Variants in PTCH2 observed in about 807,000 individuals in gnomAD.
The protein encoded by PTCH2 is protein patched homolog 2.
In PTCH2, 96 loss-of-function variants were observed where a neutral mutation model predicts 117.9. The ratio of observed to expected loss-of-function variants is 0.81; its 90% confidence interval spans 0.69 to 0.96. PTCH2 has a LOEUF of 0.96. PTCH2 is among the 50% of genes least tolerant of loss of function. The pLI is 0.00. For synonymous variants in PTCH2, 615 were observed against 660.9 expected, an observed-to-expected ratio of 0.93 and a Z score of 1.06; for missense variants, 1,379 against 1,562.5, an observed-to-expected ratio of 0.88 and a Z score of 1.98.
At position 44,826,392 on chromosome 1, in the gene PTCH2, G is replaced by A; in HGVS notation, c.2977-5C>T. On this transcript the variant is annotated splice_polypyrimidine_tract_variant and splice_region_variant and intron_variant, in intron 18 of 21. Transcript: ENST00000372192. The surrounding 1 kb of genome is among the most constrained non-coding windows in gnomAD (Gnocchi z 5.1). ...CATCATCGCCAGGACCAGCACCTGA[G>A]GGAGACAGGGCTCACAGAGGGCTCC... 6.2e-7 allele frequency: 1 copy of A among 1,614,130 alleles called. No homozygotes were observed. Among genetic ancestry groups the A allele is most frequent in the Admixed American group, 1.7e-5 (1 of 60,026 alleles).
rs758146648 is a variant in PTCH2 at position 44,832,253 on chromosome 1, G to C, written c.354C>G (p.Thr118=). 3.1e-6 allele frequency: 5 copies of C among 1,614,038 alleles called. No homozygotes were observed. Among genetic ancestry groups the C allele is most frequent in the Non-Finnish European group, 4.2e-6 (5 of 1,180,044 alleles). The part of the protein sequence containing the change: ...AAYTSQMLIQ[T]ARQEGENILT... ...GGATGTTCTCTCCCTCCTGGCGTGC[G>C]GTCTGTATCAGCATCTGAGAGGTGT... The change falls in exon 3 of 22, where the codon ACC becomes ACG. Residue 118 remains threonine, a synonymous_variant. Transcript: ENST00000372192.
Position 44,822,099 on chromosome 1 carries a change from G to C in PTCH2, c.*316C>G. On this transcript the variant is annotated 3_prime_UTR_variant, in exon 22 of 22. Coordinates refer to ENST00000372192, the MANE Select transcript of PTCH2 (RefSeq NM_003738.5). ...TGCCCAGGAGTCACCAGACGGAAGG[G>C]TGCTGGAGGGTCCCTCAGGCTTGGT... 7.2e-6 allele frequency: 10 copies of C among 1,381,682 alleles called. No homozygotes were observed. The highest frequency in any genetic ancestry group is 9.4e-6 in the Non-Finnish European group (10 of 1,066,654). The allele number at this position is 1,381,682 out of a possible 1,614,324, so 85.6% of individuals were successfully genotyped here.
intron 15 of PTCH2, 27 bp downstream of exon 15, chr1:44,827,375 C>T (rs1653202842): frequency 6.2e-7 from 1 of 1,613,746 alleles, no homozygotes; most frequent in Non-Finnish European, 8.5e-7. Context: ...TGCAGCACCC[C>T]TCCCTGCCCG....
intron 2 of PTCH2, among the ~76,000 whole-genome samples, chr1:44,836,486 G>A (rs1418654875): frequency 6.6e-6 from 1 of 152,072 alleles, no homozygotes; most frequent in African/African-American, 2.4e-5. Context: ...GAGGTGGGCG[G>A]ATCACGAAGT....
In PTCH2 at chr1:44,842,110, G is replaced by A. The variant is rs1041856991; in HGVS notation, c.73-71C>T. 3.3e-5 allele frequency: 47 copies of A among 1,415,146 alleles called. No homozygotes were observed. The African/African-American group carries it at 5.5e-4, about 17-fold the overall frequency. The allele number at this position is 1,415,146 out of a possible 1,614,324, so 87.7% of individuals were successfully genotyped here. A position where few individuals can be genotyped will look rare whatever the true frequency, so the allele number is the denominator to read the frequency against. Reference sequence around the variant, plus strand: ...CATGAAATCCTTCCCTTCTCACCCTGTATATCTGCTGCCCAGCCCTCGCTT... The same window carrying A: ...CATGAAATCCTTCCCTTCTCACCCTATATATCTGCTGCCCAGCCCTCGCTT... On this transcript the variant is annotated intron_variant, in intron 1 of 21. Coordinates refer to ENST00000372192, the MANE Select transcript of PTCH2 (RefSeq NM_003738.5).
intron 2 of PTCH2, among the ~76,000 whole-genome samples, chr1:44,833,521 C>T (rs139557267): frequency 3.3e-5 from 5 of 149,834 alleles, no homozygotes; most frequent in African/African-American, 7.4e-5. Context: ...ACTATAGCTT[C>T]GACTTCCTGG....
In PTCH2 at chr1:44,826,136, A is replaced by G; in HGVS notation, c.3114+114T>C. The G allele has an allele frequency of 7.1e-7, 1 of 1,399,478 alleles. No homozygotes were observed. The highest frequency in any genetic ancestry group is 9.9e-7 in the Non-Finnish European group (1 of 1,015,016). 86.7% of individuals were successfully genotyped at this position (1,399,478 alleles called of 1,614,324 possible). ...GCTGGGATTACAGGAATGAGCTACC[A>G]CGTCCACCCAGCCCAAATTCTTAAA... On this transcript the variant is annotated intron_variant, in intron 19 of 21. Transcript: ENST00000372192. This position sits in a 1 kb window ranked among gnomAD's most constrained non-coding sequence, Gnocchi z 5.1.
At chr1:44,837,717 A>G (rs1349595444) in intron 2 of PTCH2, among the ~76,000 whole-genome samples, 1 of 152,136 alleles carries the variant, frequency 6.6e-6, no homozygotes, top group Admixed American at 6.5e-5. Flanking sequence ...ATTCTAAATG[A>G]TACAATCAGA....
At position 44,828,164 on chromosome 1, in the gene PTCH2, G is replaced by T; in HGVS notation, c.1737C>A (p.Ile579=). ...SSPCSAQVIQ[I]LPQELGDGTV... is the part of the protein sequence containing the mutation. ...TCCCGTCCCCCAGCTCCTGGGGCAG[G>T]ATCTGAATCACCTGAGCAGAGCAGG... The change falls in exon 14 of 22, where the codon ATC becomes ATA. Residue 579 remains isoleucine, a synonymous_variant. Transcript: ENST00000372192. The T allele has an allele frequency of 6.2e-7, 1 of 1,613,770 alleles. No homozygotes were observed. Among genetic ancestry groups the T allele is most frequent in the Non-Finnish European group, 8.5e-7 (1 of 1,180,044 alleles).
intron 2 of PTCH2, among the ~76,000 whole-genome samples, chr1:44,837,323 C>G (rs750370907): frequency 1.3e-5 from 2 of 152,088 alleles, no homozygotes; most frequent in Non-Finnish European, 2.9e-5. Flanking sequence ...GGCACGATCT[C>G]AGCTCACTGC....
In PTCH2 at chr1:44,828,419, G is replaced by C. The variant is rs767808240; in HGVS notation, c.1591-5C>G. 2.5e-6 allele frequency: 4 copies of C among 1,614,160 alleles called. No individual in the cohort carries two copies. Among genetic ancestry groups the C allele is most frequent in the Non-Finnish European group, 2.5e-6 (3 of 1,180,030 alleles). The stretch of plus-strand genomic sequence containing the variant: ...GCAGCCAACCACTATGGCCGCCTGG[G>C]GGACGGACAGGAGGGGAATGAAGGC... On this transcript the variant is annotated splice_polypyrimidine_tract_variant and splice_region_variant and intron_variant, in intron 12 of 21. Transcript: ENST00000372192.
At position 44,826,241 on chromosome 1, in the gene PTCH2, CGT is replaced by C; in HGVS notation, c.3114+7_3114+8del. 1 of 1,613,758 alleles carries C rather than the reference CGT, an allele frequency of 6.2e-7. No individual in the cohort carries two copies. Among genetic ancestry groups the C allele is most frequent in the South Asian group, 1.1e-5 (1 of 91,040 alleles). Reference sequence around the variant, plus strand: ...CTGATTGGTCCCTCCCCGGGGTGCCCGTGCTCACCAGAGCCACGTGGACTGTG... The same window carrying C: ...CTGATTGGTCCCTCCCCGGGGTGCCCGCTCACCAGAGCCACGTGGACTGTG... On this transcript the variant is annotated splice_region_variant and intron_variant, in intron 19 of 21. Coordinates refer to ENST00000372192, the MANE Select transcript of PTCH2 (RefSeq NM_003738.5). This position sits in a 1 kb window ranked among gnomAD's most constrained non-coding sequence, Gnocchi z 5.1.
chr1:44,842,737 G>A lies in PTCH2; in HGVS notation c.72+124C>T, dbSNP rs6696675. The A allele has an allele frequency of 0.38, 367,305 of 962,836 alleles. 73,122 individuals are homozygous for A. Among genetic ancestry groups the A allele is most frequent in the African/African-American group, 0.59 (36,140 of 61,356 alleles). 59.6% of individuals were successfully genotyped at this position (962,836 alleles called of 1,614,324 possible). Reference sequence around the variant, plus strand: ...ACACGCACAACTTGCTTGCGGTGCTGGCTCTCACTTGCCTTCAGACATCTA... The same window carrying A: ...ACACGCACAACTTGCTTGCGGTGCTAGCTCTCACTTGCCTTCAGACATCTA... On this transcript the variant is annotated intron_variant, in intron 1 of 21. Coordinates refer to ENST00000372192, the MANE Select transcript of PTCH2 (RefSeq NM_003738.5).
rs924159074 is a variant in PTCH2, at chr1:44,837,806, C to T, written c.265+4041G>A. Among the ~76,000 whole-genome samples, 4 of 151,048 alleles carry T rather than the reference C, an allele frequency of 2.6e-5. 1 individual carries two copies. Among genetic ancestry groups the T allele is most frequent in the South Asian group, 4.2e-4 (2 of 4,716 alleles). ...AGAAAGGATGGGTTTGTGCCGGGCC[C>T]GGTGGCTCAAGCCTGTAATCCCAGC... is the stretch of plus-strand genomic sequence containing the variant. On this transcript the variant is annotated intron_variant, in intron 2 of 21. Transcript: ENST00000372192.
rs193274874 is a variant in PTCH2, at chr1:44,830,129, C to T, written c.814-99G>A. The stretch of plus-strand genomic sequence containing the variant: ...CCAGGAACCACGCTGCCATGAAGCT[C>T]AGTAGGGCTGGAGTGTAGGTAACTA... On this transcript the variant is annotated intron_variant, in intron 6 of 21. Coordinates refer to ENST00000372192, the MANE Select transcript of PTCH2 (RefSeq NM_003738.5). The T allele has an allele frequency of 9.9e-5, 149 of 1,508,132 alleles. No individual in the cohort carries two copies. The Admixed American group carries it at 1.0e-3, about 10-fold the overall frequency. The allele number at this position is 1,508,132 out of a possible 1,614,324, so 93.4% of individuals were successfully genotyped here. A position where few individuals can be genotyped will look rare whatever the true frequency, so the allele number is the denominator to read the frequency against.
chr1:44,836,066 T>C (rs1653672255), intron 2 of PTCH2, among the ~76,000 whole-genome samples: 1 of 152,216 alleles, frequency 6.6e-6, no homozygotes, highest in Non-Finnish European at 1.5e-5. Flanking sequence ...AAGGTGAGGC[T>C]GTCAGCACCT....
chr1:44,828,781 TG>T, intron 11 of PTCH2, 150 bp from the exon 12 acceptor site: 1 of 1,280,170 alleles, frequency 7.8e-7, no homozygotes, highest in Non-Finnish European at 1.1e-6. Flanking sequence ...GTACGTATGA[TG>T]GGCTGTTCTA....
At chr1:44,825,313 T>A (rs778074389) in intron 19 of PTCH2, among the ~76,000 whole-genome samples, 1 of 151,528 alleles carries the variant, frequency 6.6e-6, no homozygotes, top group Admixed American at 6.6e-5. Flanking sequence ...AATTTTCATA[T>A]TTTTAGTAGA....
intron 2 of PTCH2, among the ~76,000 whole-genome samples, chr1:44,836,651 G>T (rs1260281924): frequency 6.6e-6 from 1 of 152,008 alleles, no homozygotes; most frequent in Non-Finnish European, 1.5e-5. Flanking sequence ...GTTGCAGTGA[G>T]CTGAGGTCAA....
Sources: allele counts gnomAD v4.1 joint callset (sites outside exome capture counted in the v4.1 genomes callset), GRCh38; gene constraint gnomAD v4.1.1; non-coding constraint Gnocchi (gnomAD v3.1); transcripts MANE v1.5; gene names NCBI Gene and HGNC (gene_info 2026-07-23, HGNC 2026-07-21).